Variants in CACNB2 observed in about 807,000 individuals in gnomAD.
The protein encoded by CACNB2 is voltage-dependent L-type calcium channel subunit beta-2.
A neutral mutation model predicts 73.3 loss-of-function variants in CACNB2; 42 were observed. The observed-to-expected ratio is 0.57, with a 90% CI of 0.45 to 0.74. The LOEUF (loss-of-function observed/expected upper bound fraction) is 0.74, where lower values mean the gene tolerates loss of function less well. CACNB2 is among the 30% of genes least tolerant of loss of function. The pLI is 0.00. For synonymous variants in CACNB2, 348 were observed against 310.3 expected (o/e 1.12, Z -1.28); for missense variants, 940 against 853.0 (o/e 1.10, Z -1.27).
chr10:18,204,561 A>C (rs1175061178), intron 2 of CACNB2, among the ~76,000 whole-genome samples: 1 of 152,230 alleles, frequency 6.6e-6, no homozygotes, highest in Non-Finnish European at 1.5e-5. Context: ...AACCTGTCAT[A>C]GGATTCAAAT....
Position 18,192,952 on chromosome 10 carries a change from T to C in CACNB2, c.213+41977T>C, listed in dbSNP as rs992813048. On this transcript the variant is annotated intron_variant, in intron 2 of 13. Transcript: ENST00000324631. Reference sequence around the variant, plus strand: ...TTGTGAATTGAGCTGCTATGAACATTTATGTATCTGTACTTGTTTGAGTCC... The same window carrying C: ...TTGTGAATTGAGCTGCTATGAACATCTATGTATCTGTACTTGTTTGAGTCC... Among the ~76,000 whole-genome samples the C allele has an allele frequency of 6.6e-5, 10 of 152,350 alleles. 1 individual carries two copies. The highest frequency in any genetic ancestry group is 3.3e-4 in the Admixed American group (5 of 15,300).
At chr10:18,177,495 G>C (rs1385467100) in intron 2 of CACNB2, among the ~76,000 whole-genome samples, 3 of 150,806 alleles carry the variant, frequency 2.0e-5, no homozygotes. Context: ...GCTGGGTGTG[G>C]TGGCAGGCAC....
intron 1 of CACNB2, among the ~76,000 whole-genome samples, chr10:18,148,279 T>C (rs1424790152): frequency 2.6e-5 from 4 of 152,256 alleles, no homozygotes; most frequent in Admixed American, 2.0e-4. Context: ...TACACTTAAG[T>C]AATTGAAGAA....
At chr10:18,220,233 A>AGAGAGTTGGGGG (rs2035722501) in intron 2 of CACNB2, among the ~76,000 whole-genome samples, 1 of 27,096 alleles carries the variant, frequency 3.7e-5, no homozygotes, top group African/African-American at 2.1e-4. Context: ...ATATATATAT[A>AGAGAGTTGGGGG]GAGAGAGAGA....
chr10:18,243,817 T>A (rs2036754814), intron 2 of CACNB2, among the ~76,000 whole-genome samples: 1 of 152,182 alleles, frequency 6.6e-6, no homozygotes, highest in South Asian at 2.1e-4. Context: ...AATTTTGGAC[T>A]TTCCAACCAC....
intron 10 of CACNB2, chr10:18,532,951 G>A (rs2053210444): frequency 6.6e-6 from 1 of 151,546 alleles, no homozygotes; most frequent in Non-Finnish European, 1.5e-5. Flanking sequence ...TTTGGGCCCT[G>A]ATTTTTTAAA....
intron 3 of CACNB2, among the ~76,000 whole-genome samples, chr10:18,474,782 A>G (rs981483795): frequency 6.6e-6 from 1 of 151,910 alleles, no homozygotes; most frequent in African/African-American, 2.4e-5. Context: ...TTCCCCCCCA[A>G]CAGCAAGCAG....
At chr10:18,319,536 A>G (rs571102112) in intron 2 of CACNB2, among the ~76,000 whole-genome samples, 143 of 152,246 alleles carry the variant, frequency 9.4e-4, no homozygotes, top group Non-Finnish European at 1.4e-3. Flanking sequence ...GATAGGTGCA[A>G]CAAGTCACCA....
chr10:18,254,766 G>C (rs1365962626), intron 2 of CACNB2, among the ~76,000 whole-genome samples: 5 of 152,158 alleles, frequency 3.3e-5, no homozygotes, highest in Admixed American at 3.3e-4. Context: ...ACTGGACCAA[G>C]AAATAGAAGT....
At chr10:18,470,881 T>G (rs2048152341) in intron 3 of CACNB2, among the ~76,000 whole-genome samples, 2 of 152,146 alleles carry the variant, frequency 1.3e-5, no homozygotes, top group Non-Finnish European at 2.9e-5. Flanking sequence ...GAGACTGACA[T>G]GCAAGGGGAA....
Position 18,500,795 on chromosome 10 carries a change from T to G in CACNB2, c.457-17T>G, listed in dbSNP as rs4485000. On this transcript the variant is annotated splice_polypyrimidine_tract_variant and intron_variant, in intron 4 of 13. Coordinates refer to ENST00000324631, the MANE Select transcript of CACNB2 (RefSeq NM_201596.3). ...CTTCTGTGCACTGATTTTTAATGCT[T>G]TTGATTTTGTGTTTAGAAATTTAAC... The G allele has an allele frequency of 0.3, 483,441 of 1,609,150 alleles. 76,846 individuals are homozygous for G. The highest frequency in any genetic ancestry group is 0.35 in the African/African-American group (26,437 of 74,858).
intron 2 of CACNB2, among the ~76,000 whole-genome samples, chr10:18,296,496 T>A (rs554594131): frequency 1.3e-5 from 2 of 151,702 alleles, no homozygotes; most frequent in South Asian, 4.1e-4. Flanking sequence ...ATAGATATAT[T>A]TTTTTTAATA....
chr10:18,531,642 G>A (rs1378811983), intron 10 of CACNB2, among the ~76,000 whole-genome samples: 2 of 152,096 alleles, frequency 1.3e-5, no homozygotes, highest in African/African-American at 4.8e-5. Context: ...GTGTATAAGC[G>A]TTCCTTTTTC....
chr10:18,382,176 A>G lies in CACNB2; in HGVS notation c.214-19748A>G, dbSNP rs547116586. 6.9e-4 allele frequency among the ~76,000 whole-genome samples: 105 copies of G among 151,996 alleles called. 1 individual carries two copies. The highest frequency in any genetic ancestry group is 1.3e-3 in the Non-Finnish European group (89 of 68,040). On this transcript the variant is annotated intron_variant, in intron 2 of 13. Transcript: ENST00000324631. ...ATAGCAAAATTACAGCAACAATAAT[A>G]ATAAAATATACTTGCTCAGAATGGA...
chr10:18,430,146 G>A (rs529481091), intron 3 of CACNB2, among the ~76,000 whole-genome samples: 4 of 144,834 alleles, frequency 2.8e-5, no homozygotes, highest in Admixed American at 2.7e-4. Context: ...AAAAAAAAAG[G>A]GACATATTAC....
intron 2 of CACNB2, among the ~76,000 whole-genome samples, chr10:18,336,310 C>T (rs1437684524): frequency 6.6e-6 from 1 of 152,100 alleles, no homozygotes; most frequent in African/African-American, 2.4e-5. Flanking sequence ...TTAATACTCC[C>T]CAGAACAATA....
intron 2 of CACNB2, among the ~76,000 whole-genome samples, chr10:18,153,555 A>C (rs1669785515): frequency 7.7e-6 from 1 of 129,680 alleles, no homozygotes; most frequent in African/African-American, 3.1e-5. Context: ...TGGGCACACT[A>C]GATTTTACTT....
intron 2 of CACNB2, among the ~76,000 whole-genome samples, chr10:18,354,209 G>A (rs552687693): frequency 3.5e-4 from 53 of 152,254 alleles, no homozygotes; most frequent in African/African-American, 9.4e-4. Flanking sequence ...AAATAGCAAA[G>A]CACTGTATGA....
intron 2 of CACNB2, among the ~76,000 whole-genome samples, chr10:18,312,800 A>C (rs1353509742): frequency 6.6e-6 from 1 of 152,208 alleles, no homozygotes. Context: ...TTAGGACTAC[A>C]GAACTCTTGG....
Sources: gnomAD v4.1 joint callset for allele counts (sites outside exome capture counted in the v4.1 genomes callset) on GRCh38, gnomAD v4.1.1 for gene constraint, MANE v1.5 for transcripts, NCBI Gene and HGNC (gene_info 2026-07-23, HGNC 2026-07-21) for gene names.